Variants in SDK1 observed in about 807,000 individuals in gnomAD.
SDK1 encodes sidekick cell adhesion molecule 1, also known as protein sidekick-1.
Under a neutral mutation model 245.5 loss-of-function variants are expected in SDK1, and 157 were observed. That is an observed-to-expected ratio of 0.64 (90% CI 0.56 to 0.73). The LOEUF is 0.73. Among genes scored for constraint, SDK1 ranks in the 30% least tolerant of loss-of-function variants. The pLI is 0.00. For missense variants in SDK1, 3,583 were observed against 3,002.3 expected (o/e 1.19, Z -4.52); for synonymous variants, 1,647 against 1,278.5 (o/e 1.29, Z -6.15).
chr7:3,733,227 C>T (rs1257772302), intron 4 of SDK1, among the ~76,000 whole-genome samples: 1 of 151,994 alleles, frequency 6.6e-6, no homozygotes. Context: ...TAAATAGGTC[C>T]CTTGAACCAA....
chr7:3,476,177 C>A (rs530959775), intron 1 of SDK1: 1 of 152,650 alleles, frequency 6.6e-6, no homozygotes, highest in East Asian at 1.9e-4. Flanking sequence ...CTAAAAGGTA[C>A]GATATGCATA....
At chr7:3,306,015 G>A (rs78054540) in intron 1 of SDK1, among the ~76,000 whole-genome samples, 2,414 of 152,244 alleles carry the variant, frequency 0.016, 58 homozygotes, top group African/African-American at 0.049. Flanking sequence ...TCCAGAGTCT[G>A]AACATAACTT....
chr7:3,436,693 T>G (rs1780031572), intron 1 of SDK1, among the ~76,000 whole-genome samples: 2 of 152,318 alleles, frequency 1.3e-5, no homozygotes, highest in South Asian at 4.1e-4. Flanking sequence ...ATTTTGAAGG[T>G]GACTGAACCT....
At chr7:3,963,087 C>T (rs55708835) in intron 9 of SDK1, among the ~76,000 whole-genome samples, 2,565 of 131,660 alleles carry the variant, frequency 0.019, 13 homozygotes, top group Middle Eastern at 0.029. Context: ...CCCATGGCTA[C>T]CTGGATGTAA....
chr7:3,443,192 C>G (rs754339181), intron 1 of SDK1, among the ~76,000 whole-genome samples: 2 of 151,120 alleles, frequency 1.3e-5, no homozygotes, highest in Non-Finnish European at 2.9e-5. Context: ...TAAGCATTAA[C>G]AAAAAAACTT....
chr7:3,536,107 A>G (rs1778878137), intron 1 of SDK1, among the ~76,000 whole-genome samples: 1 of 150,786 alleles, frequency 6.6e-6, no homozygotes, highest in Admixed American at 6.6e-5. Flanking sequence ...CCCAGGCTGG[A>G]GTGCAGTGGT....
intron 4 of SDK1, among the ~76,000 whole-genome samples, chr7:3,668,133 C>G (rs185546494): frequency 1.6e-4 from 24 of 152,244 alleles, no homozygotes; most frequent in African/African-American, 4.1e-4. Context: ...GCAAGCCATT[C>G]TCATTATGTT....
intron 38 of SDK1, among the ~76,000 whole-genome samples, chr7:4,214,075 A>G (rs929448973): frequency 1.2e-4 from 18 of 152,142 alleles, no homozygotes; most frequent in Non-Finnish European, 2.9e-5. Flanking sequence ...CCGCAGACAG[A>G]GAGATTGGGC....
chr7:4,052,872 A>C (rs1778959509), intron 19 of SDK1, among the ~76,000 whole-genome samples: 1 of 151,892 alleles, frequency 6.6e-6, no homozygotes, highest in Non-Finnish European at 1.5e-5. Flanking sequence ...TTGGATCACG[A>C]GGTCAGGAGT....
intron 40 of SDK1, among the ~76,000 whole-genome samples, chr7:4,227,768 G>C (rs899053714): frequency 1.3e-5 from 2 of 152,206 alleles, no homozygotes; most frequent in African/African-American, 4.8e-5. Flanking sequence ...GATAAATTGA[G>C]TGCAGACCCT....
intron 44 of SDK1, among the ~76,000 whole-genome samples, chr7:4,259,435 C>G (rs1310461317): frequency 3.9e-5 from 6 of 152,146 alleles, no homozygotes; most frequent in African/African-American, 1.4e-4. Context: ...AACTCTGTCT[C>G]AAAAATAAAT....
intron 34 of SDK1, among the ~76,000 whole-genome samples, chr7:4,176,368 T>A (rs538570865): frequency 1.3e-5 from 2 of 152,286 alleles, no homozygotes; most frequent in East Asian, 3.9e-4. Context: ...GGGTTCTTGC[T>A]ATGTTGTACA....
chr7:4,093,210 T>G (rs1781916822), intron 22 of SDK1, among the ~76,000 whole-genome samples: 1 of 152,182 alleles, frequency 6.6e-6, no homozygotes, highest in Non-Finnish European at 1.5e-5. Context: ...AACATCTCTT[T>G]GAGCATTTTT....
intron 5 of SDK1, among the ~76,000 whole-genome samples, chr7:3,948,174 A>G (rs1780653550): frequency 6.6e-6 from 1 of 151,518 alleles, no homozygotes; most frequent in Non-Finnish European, 1.5e-5. Context: ...GAAGACCTAT[A>G]TAACCTTGAC....
At chr7:4,055,776 A>G (rs879352700) in intron 19 of SDK1, among the ~76,000 whole-genome samples, 1 of 151,852 alleles carries the variant, frequency 6.6e-6, no homozygotes, top group Admixed American at 6.6e-5. Flanking sequence ...AGTGCTGTAC[A>G]TTTCTGCTTC....
At chr7:3,490,697 C>T (rs967995992) in intron 1 of SDK1, among the ~76,000 whole-genome samples, 1 of 152,180 alleles carries the variant, frequency 6.6e-6, no homozygotes, top group East Asian at 1.9e-4. Flanking sequence ...TCCCTTGAAT[C>T]CACATCCTTA....
chr7:3,426,136 A>C (rs746083748), intron 1 of SDK1, among the ~76,000 whole-genome samples: 3 of 152,174 alleles, frequency 2.0e-5, no homozygotes, highest in African/African-American at 7.2e-5. Flanking sequence ...TGGTCAGGAG[A>C]TAAGCAGTTG....
intron 1 of SDK1, among the ~76,000 whole-genome samples, chr7:3,580,968 C>CAAGAAA (rs1780461391): frequency 4.0e-5 from 1 of 24,894 alleles, no homozygotes; most frequent in Non-Finnish European, 8.5e-5. Context: ...GACTCCATCT[C>CAAGAAA]AAAAAAAAAA....
At chr7:4,130,790 G>A (rs1562856164) in intron 27 of SDK1, among the ~76,000 whole-genome samples, 1 of 152,104 alleles carries the variant, frequency 6.6e-6, no homozygotes, top group Non-Finnish European at 1.5e-5. Flanking sequence ...TAAACAGACT[G>A]TAATGAATAC....
Sources: allele counts gnomAD v4.1 joint callset (sites outside exome capture counted in the v4.1 genomes callset), GRCh38; gene constraint gnomAD v4.1.1; transcripts MANE v1.5; gene names NCBI Gene and HGNC (gene_info 2026-07-23, HGNC 2026-07-21).